Variants in CSMD1 observed in about 807,000 individuals in gnomAD.
The protein encoded by CSMD1 is CUB and sushi domain-containing protein 1.
CSMD1 carries 213 observed loss-of-function variants against 417.5 expected under a neutral mutation model. The ratio of observed to expected loss-of-function variants is 0.51; its 90% CI spans 0.46 to 0.57. The LOEUF is 0.57. Among genes scored for constraint, CSMD1 ranks in the 20% least tolerant of loss-of-function variants. CSMD1 has a pLI of 0.00. For synonymous variants in CSMD1, 2,862 were observed against 1,736.8 expected (o/e 1.65, Z -16.11); for missense variants, 6,923 against 4,529.7 (o/e 1.53, Z -15.17).
At chr8:4,152,248 G>C (rs1796605895) in intron 3 of CSMD1, among the ~76,000 whole-genome samples, 1 of 152,168 alleles carries the variant, frequency 6.6e-6, no homozygotes, top group Non-Finnish European at 1.5e-5. Context: ...TTTCTCAAGA[G>C]AATGCTCTAT....
At chr8:4,248,853 A>T (rs937786087) in intron 3 of CSMD1, among the ~76,000 whole-genome samples, 22 of 152,236 alleles carry the variant, frequency 1.4e-4, no homozygotes, top group African/African-American at 5.1e-4. Context: ...AACAATTGCT[A>T]ACTCTCAAAA....
At chr8:4,719,867 G>C (rs1197138154) in intron 1 of CSMD1, among the ~76,000 whole-genome samples, 1 of 151,916 alleles carries the variant, frequency 6.6e-6, no homozygotes, top group Non-Finnish European at 1.5e-5. Context: ...TATGGGAAAG[G>C]ACTCCCTATG....
chr8:4,890,331 T>G (rs1288398923), intron 1 of CSMD1, among the ~76,000 whole-genome samples: 2 of 152,120 alleles, frequency 1.3e-5, no homozygotes, highest in Non-Finnish European at 2.9e-5. Context: ...TCCAGGTTCC[T>G]ATGGATTAGA....
Position 4,872,177 on chromosome 8 carries a change from G to T in CSMD1, c.85+122155C>A, listed in dbSNP as rs188301215. 2.0e-3 allele frequency among the ~76,000 whole-genome samples: 310 copies of T among 152,212 alleles called. 3 individuals are homozygous for T. The highest frequency in any genetic ancestry group is 3.0e-3 in the Non-Finnish European group (207 of 68,026). On this transcript the variant is annotated intron_variant, in intron 1 of 69. Transcript: ENST00000635120. ...AAATGAATGCAAACTAAGGCACTCT[G>T]TGTTAGCCTGTGTGACTCAAGTAAG...
At chr8:3,943,720 CA>C (rs962785434) in intron 5 of CSMD1, among the ~76,000 whole-genome samples, 24 of 151,766 alleles carry the variant, frequency 1.6e-4, no homozygotes, top group Non-Finnish European at 2.2e-4. Context: ...ACATTTCTGC[CA>C]AAAAAATATG....
chr8:4,097,428 C>T (rs80351889), intron 3 of CSMD1, among the ~76,000 whole-genome samples: 13,272 of 152,198 alleles, frequency 0.087, 809 homozygotes, highest in Non-Finnish European at 0.13. Context: ...TATACATATA[C>T]GCTAAATAAA....
intron 3 of CSMD1, among the ~76,000 whole-genome samples, chr8:4,194,100 G>A (rs1408056638): frequency 6.6e-6 from 1 of 151,988 alleles, no homozygotes; most frequent in Non-Finnish European, 1.5e-5. Context: ...TAAATGTTAT[G>A]GTAGGCATAC....
At chr8:4,592,008 T>C (rs1224616522) in intron 2 of CSMD1, among the ~76,000 whole-genome samples, 1 of 152,090 alleles carries the variant, frequency 6.6e-6, no homozygotes, top group African/African-American at 2.4e-5. Flanking sequence ...GGTCATGCAA[T>C]GCGGCCAGGA....
chr8:4,917,539 C>A (rs1004374429), intron 1 of CSMD1, among the ~76,000 whole-genome samples: 3 of 152,188 alleles, frequency 2.0e-5, no homozygotes, highest in Non-Finnish European at 4.4e-5. Flanking sequence ...GAAGCTGAAG[C>A]AGGAGAATCG....
At chr8:3,784,218 A>C (rs944043446) in intron 5 of CSMD1, among the ~76,000 whole-genome samples, 1 of 152,152 alleles carries the variant, frequency 6.6e-6, no homozygotes, top group Non-Finnish European at 1.5e-5. Flanking sequence ...ATAAATAACA[A>C]ATTATTTTTT....
chr8:4,640,882 T>G (rs1449360027), intron 1 of CSMD1, among the ~76,000 whole-genome samples: 1 of 142,930 alleles, frequency 7.0e-6, no homozygotes, highest in Admixed American at 7.0e-5. Flanking sequence ...AAAAAAAAAG[T>G]CTAATGGTCT....
chr8:4,113,631 C>T (rs1000230320), intron 3 of CSMD1, among the ~76,000 whole-genome samples: 1 of 152,018 alleles, frequency 6.6e-6, no homozygotes, highest in Non-Finnish European at 1.5e-5. Flanking sequence ...GTCTTGAACT[C>T]CTGACCTCCT....
intron 1 of CSMD1, among the ~76,000 whole-genome samples, chr8:4,857,951 G>A (rs1801898523): frequency 6.6e-6 from 1 of 151,952 alleles, no homozygotes; most frequent in Non-Finnish European, 1.5e-5. Flanking sequence ...GCCAGGCAGA[G>A]ACACAACCAA....
chr8:3,983,532 G>A (rs1035418769), intron 5 of CSMD1, among the ~76,000 whole-genome samples: 1 of 152,168 alleles, frequency 6.6e-6, no homozygotes, highest in Non-Finnish European at 1.5e-5. Flanking sequence ...GCCCTTGGAT[G>A]CCATTTCAGT....
intron 3 of CSMD1, among the ~76,000 whole-genome samples, chr8:4,344,718 C>T (rs1800682656): frequency 1.3e-5 from 2 of 152,030 alleles, no homozygotes; most frequent in Non-Finnish European, 1.5e-5. Flanking sequence ...GCATATCCAT[C>T]ATTGAGCAAA....
chr8:3,091,272 T>C (rs1459008667), intron 48 of CSMD1, among the ~76,000 whole-genome samples: 2 of 152,120 alleles, frequency 1.3e-5, no homozygotes, highest in South Asian at 2.1e-4. Context: ...CTTTGCTTTC[T>C]ATAATATGAA....
At chr8:4,673,612 C>A (rs567544184) in intron 1 of CSMD1, among the ~76,000 whole-genome samples, 82 of 152,244 alleles carry the variant, frequency 5.4e-4, no homozygotes, top group African/African-American at 1.8e-3. Context: ...TCACAGACTA[C>A]CTCTATTCTA....
intron 23 of CSMD1, among the ~76,000 whole-genome samples, chr8:3,321,390 G>A (rs938416957): frequency 6.6e-6 from 1 of 152,052 alleles, no homozygotes; most frequent in Non-Finnish European, 1.5e-5. Flanking sequence ...GCTCCCTTAC[G>A]GCTGCAGCTG....
intron 8 of CSMD1, among the ~76,000 whole-genome samples, chr8:3,607,946 G>T (rs1004424386): frequency 1.3e-5 from 2 of 152,134 alleles, no homozygotes; most frequent in African/African-American, 2.4e-5. Flanking sequence ...AAGGCAGGCG[G>T]ATCACTTGAG....
Sources: allele counts gnomAD v4.1 joint callset (sites outside exome capture counted in the v4.1 genomes callset), GRCh38; gene constraint gnomAD v4.1.1; transcripts MANE v1.5; gene names NCBI Gene and HGNC (gene_info 2026-07-23, HGNC 2026-07-21).